CCDC30: variants seen among roughly 807,000 people sequenced by gnomAD.
CCDC30 encodes the protein coiled-coil domain-containing protein 30.
In CCDC30, 70 loss-of-function variants were observed where a neutral mutation model predicts 100.2. That is an observed-to-expected ratio of 0.70 (90% CI 0.58 to 0.85). CCDC30 has a LOEUF of 0.85. Among genes scored for constraint, CCDC30 ranks in the 40% least tolerant of loss-of-function variants. The pLI is 0.00. For synonymous variants in CCDC30, 233 were observed against 269.5 expected (o/e 0.86, Z 1.33); for missense variants, 652 against 771.2 (o/e 0.85, Z 1.83).
chr1:42,644,427 C>T lies in CCDC30; in HGVS notation c.1557-266C>T, dbSNP rs72967294. Among the ~76,000 whole-genome samples the T allele has an allele frequency of 9.2e-3, 1,405 of 152,254 alleles. 19 individuals carry two copies. Among genetic ancestry groups the T allele is most frequent in the African/African-American group, 0.032 (1,350 of 41,546 alleles). ...GAGGGGATCTGCCTTCCCCAGCCCA[C>T]GACTCAAATGTTAATCTCCTTTGGC... On this transcript the variant is annotated intron_variant, in intron 13 of 16. Coordinates refer to ENST00000668663, the Ensembl canonical transcript of CCDC30.
At chr1:42,471,781 A>T (rs947005776) in intron 1 of CCDC30, among the ~76,000 whole-genome samples, 1 of 152,232 alleles carries the variant, frequency 6.6e-6, no homozygotes, top group African/African-American at 2.4e-5. Flanking sequence ...TATGAGTATC[A>T]GCTGATAATT....
At chr1:42,648,531 G>A (rs189608724) in intron 15 of CCDC30, among the ~76,000 whole-genome samples, 15 of 152,118 alleles carry the variant, frequency 9.9e-5, no homozygotes, top group African/African-American at 3.4e-4. Context: ...TTAGCTGGGC[G>A]TGGTGGCATG....
intron 7 of CCDC30, among the ~76,000 whole-genome samples, chr1:42,569,510 C>T (rs533535383): frequency 2.6e-5 from 4 of 152,118 alleles, no homozygotes; most frequent in South Asian, 2.1e-4. Context: ...GAAATAGGAA[C>T]GCTTTTACAC....
At chr1:42,586,580 G>T (rs912342708) in intron 9 of CCDC30, among the ~76,000 whole-genome samples, 42 of 152,152 alleles carry the variant, frequency 2.8e-4, no homozygotes, top group African/African-American at 1.0e-3. Flanking sequence ...GTTAGGAGGT[G>T]TGAGCCATAG....
At chr1:42,491,087 T>C (rs1400368911) in intron 4 of CCDC30, among the ~76,000 whole-genome samples, 3 of 152,158 alleles carry the variant, frequency 2.0e-5, no homozygotes, top group Non-Finnish European at 4.4e-5. Flanking sequence ...ATTCTAAAAC[T>C]ACACATAGCC....
intron 10 of CCDC30, among the ~76,000 whole-genome samples, chr1:42,607,166 T>A (rs1404841243): frequency 2.6e-5 from 4 of 152,162 alleles, no homozygotes; most frequent in Non-Finnish European, 5.9e-5. Flanking sequence ...GGTGGAAGGA[T>A]CACTTGAGAC....
Position 42,542,259 on chromosome 1 carries a change from T to A in CCDC30, c.457-24037T>A, listed in dbSNP as rs185478462. Among the ~76,000 whole-genome samples, 104 of 152,362 alleles carry A rather than the reference T, an allele frequency of 6.8e-4. 1 individual carries two copies. Among genetic ancestry groups the A allele is most frequent in the African/African-American group, 2.5e-3 (102 of 41,592 alleles). On this transcript the variant is annotated intron_variant, in intron 6 of 16. Transcript: ENST00000668663. ...ACTTAAGATATACACTACTTTGTCA[T>A]GTGAGAATTCAGAATACCTAGAAAA...
At chr1:42,513,417 A>G (rs1188062049) in intron 6 of CCDC30, among the ~76,000 whole-genome samples, 9 of 152,014 alleles carry the variant, frequency 5.9e-5, no homozygotes, top group Non-Finnish European at 1.2e-4. Flanking sequence ...TTAATATGCA[A>G]ATGGGTTTTC....
At chr1:42,592,884 A>G (rs1387120588) in intron 10 of CCDC30, 1 of 152,188 alleles carries the variant, frequency 6.6e-6, no homozygotes, top group Non-Finnish European at 1.5e-5. Flanking sequence ...TGCTGGCACC[A>G]CGCTTTCTGT....
At chr1:42,557,446 G>C (rs112922150) in intron 6 of CCDC30, among the ~76,000 whole-genome samples, 4 of 152,004 alleles carry the variant, frequency 2.6e-5, no homozygotes, top group Non-Finnish European at 4.4e-5. Flanking sequence ...AGTGTGGGAG[G>C]CTTGAGCAGA....
chr1:42,614,538 GC>G (rs1411587732), intron 11 of CCDC30, among the ~76,000 whole-genome samples: 2 of 148,352 alleles, frequency 1.3e-5, no homozygotes, highest in Admixed American at 6.6e-5. Context: ...TGTAATCCCA[GC>G]ACTTTGGGAG....
chr1:42,653,691 AATTTT>A (rs1216012886), intron 16 of CCDC30, 122 bp from the exon 21 acceptor site: 6 of 695,182 alleles, frequency 8.6e-6, no homozygotes, highest in Non-Finnish European at 9.8e-6. Flanking sequence ...GTTTAAGGTA[AATTTT>A]ATTTGGCTTT....
chr1:42,580,135 A>T (rs1302199565), intron 8 of CCDC30, among the ~76,000 whole-genome samples: 10 of 152,238 alleles, frequency 6.6e-5, no homozygotes, highest in Non-Finnish European at 2.9e-5. Flanking sequence ...TCCTTGACAG[A>T]GAAGCCAATG....
intron 1 of CCDC30, among the ~76,000 whole-genome samples, chr1:42,479,258 C>T (rs1228995895): frequency 6.6e-6 from 1 of 152,078 alleles, no homozygotes; most frequent in Non-Finnish European, 1.5e-5. Context: ...TGCCTGTAAT[C>T]CTAGCTATTC....
At chr1:42,462,896 A>C (rs140541778), upstream of CCDC30, among the ~76,000 whole-genome samples, 1 of 152,232 alleles carries the variant, frequency 6.6e-6, no homozygotes, top group African/African-American at 2.4e-5. Flanking sequence ...GACACGATCT[A>C]GGCCTAAAAT....
intron 9 of CCDC30, among the ~76,000 whole-genome samples, chr1:42,586,856 G>A (rs541688318): frequency 6.6e-6 from 1 of 152,338 alleles, no homozygotes; most frequent in South Asian, 2.1e-4. Flanking sequence ...TGCAGAGAAT[G>A]CAGGGAGTCT....
Position 42,500,879 on chromosome 1 carries a change from G to T in CCDC30, c.456+1963G>T, listed in dbSNP as rs11805616. On this transcript the variant is annotated intron_variant, in intron 6 of 16. Coordinates refer to ENST00000668663, the Ensembl canonical transcript of CCDC30. ...AGTGCTGGGATTACATGCATAAGCCGCTACACCTGGCCAAGAGTTCTTTAT... is the reference window on the plus strand; with the variant it reads ...AGTGCTGGGATTACATGCATAAGCCTCTACACCTGGCCAAGAGTTCTTTAT... 6.0e-3 allele frequency among the ~76,000 whole-genome samples: 908 copies of T among 151,960 alleles called. 8 individuals carry two copies. Among genetic ancestry groups the T allele is most frequent in the African/African-American group, 0.02 (837 of 41,434 alleles).
At chr1:42,478,952 A>T (rs1271126313) in intron 1 of CCDC30, among the ~76,000 whole-genome samples, 2 of 152,220 alleles carry the variant, frequency 1.3e-5, no homozygotes, top group Non-Finnish European at 2.9e-5. Context: ...GTAGAAACTG[A>T]CAAACTGATT....
chr1:42,555,932 C>T (rs1204558633), intron 6 of CCDC30, among the ~76,000 whole-genome samples: 1 of 152,132 alleles, frequency 6.6e-6, no homozygotes, highest in African/African-American at 2.4e-5. Context: ...TCAGGTGATC[C>T]GCCCATCTCG....
Sources: allele counts gnomAD v4.1 joint callset (sites outside exome capture counted in the v4.1 genomes callset), GRCh38; gene constraint gnomAD v4.1.1; transcripts MANE v1.5; gene names NCBI Gene and HGNC (gene_info 2026-07-23, HGNC 2026-07-21).